The following IFT88 variants were observed in gnomAD, a reference collection of about 807,000 sequenced individuals.
IFT88 encodes intraflagellar transport protein 88 homolog.
In IFT88, 74 loss-of-function variants were observed where a neutral mutation model predicts 119.5. The observed-to-expected ratio is 0.62, with a 90% CI of 0.51 to 0.75. The LOEUF (loss-of-function observed/expected upper bound fraction) is 0.75. Ranked by LOEUF, IFT88 falls within the 30% of genes least tolerant of loss-of-function variation. The pLI is 0.00. For synonymous variants in IFT88, 279 were observed against 316.7 expected, an observed-to-expected ratio of 0.88 and a Z score of 1.26; for missense variants, 961 against 977.7, an observed-to-expected ratio of 0.98 and a Z score of 0.23.
chr13:20,663,280 A>G, intron 22 of IFT88: 1 of 1,477,186 alleles, frequency 6.8e-7, no homozygotes, highest in Non-Finnish European at 9.0e-7. Context: ...CAGCGTGAGG[A>G]CAGGACACAT....
At chr13:20,685,540 C>T (rs1038887150) in intron 24 of IFT88, among the ~76,000 whole-genome samples, 3 of 152,172 alleles carry the variant, frequency 2.0e-5, no homozygotes, top group Admixed American at 1.3e-4. Context: ...GCACACCCTG[C>T]TGGGAATGTT....
chr13:20,623,102 T>C (rs2046786412), intron 14 of IFT88, among the ~76,000 whole-genome samples: 2 of 152,232 alleles, frequency 1.3e-5, no homozygotes, highest in African/African-American at 2.4e-5. Context: ...TTGGCATCCT[T>C]GTCAAAAAGC....
chr13:20,597,125 TA>T lies in IFT88; in HGVS notation c.594+7del. 2.7e-6 allele frequency: 4 copies of T among 1,475,068 alleles called. No homozygotes were observed. Among genetic ancestry groups the T allele is most frequent in the Non-Finnish European group, 3.7e-6 (4 of 1,070,742 alleles). 91.4% of individuals were successfully genotyped at this position (1,475,068 alleles called of 1,614,324 possible). On this transcript the variant is annotated splice_region_variant and intron_variant, in intron 9 of 25. Transcript: ENST00000351808. ...ATTTGGATTTAACTTACTCAGTAAG[TA>T]TTGAAATATAACACAATTTTTAAAT... is the stretch of plus-strand genomic sequence containing the variant.
chr13:20,603,826 A>C (rs1267847985), intron 12 of IFT88, among the ~76,000 whole-genome samples: 4 of 152,094 alleles, frequency 2.6e-5, no homozygotes. Context: ...GAGCCCGAGG[A>C]GGTCAAGGCT....
chr13:20,685,198 A>G (rs7333812), intron 24 of IFT88, among the ~76,000 whole-genome samples: 34,130 of 152,168 alleles, frequency 0.22, 4,573 homozygotes, highest in African/African-American at 0.36. Flanking sequence ...CGTTGTTAAG[A>G]CACAGGCTGC....
At chr13:20,660,678 C>G (rs2053638586) in intron 22 of IFT88, among the ~76,000 whole-genome samples, 1 of 152,092 alleles carries the variant, frequency 6.6e-6, no homozygotes, top group South Asian at 2.1e-4. Context: ...AGATGTGAGA[C>G]TTGAGGGAGA....
chr13:20,625,944 T>C (rs986780562), intron 15 of IFT88, 95 bp downstream of exon 15: 12 of 465,420 alleles, frequency 2.6e-5, no homozygotes, highest in African/African-American at 2.0e-4. Context: ...ATGTTATCTG[T>C]GATTATTCTG....
intron 24 of IFT88, among the ~76,000 whole-genome samples, chr13:20,684,222 G>C (rs2057634323): frequency 1.3e-5 from 2 of 152,204 alleles, no homozygotes; most frequent in South Asian, 4.1e-4. Context: ...CTGCCTAAAT[G>C]GAACTGAGAG....
chr13:20,577,454 G>A (rs1436589324), intron 2 of IFT88, among the ~76,000 whole-genome samples: 1 of 152,098 alleles, frequency 6.6e-6, no homozygotes, highest in Admixed American at 6.5e-5. Flanking sequence ...TAAAGGAAAG[G>A]CTTTCAGTTT....
At chr13:20,646,934 T>G (rs2050851014) in intron 20 of IFT88, among the ~76,000 whole-genome samples, 2 of 152,110 alleles carry the variant, frequency 1.3e-5, no homozygotes, top group Non-Finnish European at 2.9e-5. Context: ...CAGCCATTGA[T>G]TCCATTCCTT....
intron 12 of IFT88, among the ~76,000 whole-genome samples, chr13:20,602,999 A>G (rs1286551119): frequency 6.6e-6 from 1 of 152,226 alleles, no homozygotes; most frequent in Non-Finnish European, 1.5e-5. Flanking sequence ...TTAAGTGAAA[A>G]CATACAGCTA....
rs2042255045 is a variant in IFT88, at chr13:20,599,435, A to C, written c.698-16A>C. 1 of 936,746 alleles carries C rather than the reference A, an allele frequency of 1.1e-6. No homozygotes were observed. The highest frequency in any genetic ancestry group is 2.6e-5 in the East Asian group (1 of 38,138). The allele number at this position is 936,746 out of a possible 1,614,324, so 58.0% of individuals were successfully genotyped here. Reference sequence around the variant, plus strand: ...AAATGAGAGTATTATACATTCATTAAATTTTTTTAAATTAGGAATATTGAA... The same window carrying C: ...AAATGAGAGTATTATACATTCATTACATTTTTTTAAATTAGGAATATTGAA... On this transcript the variant is annotated splice_polypyrimidine_tract_variant and intron_variant, in intron 10 of 25. Transcript: ENST00000351808.
At chr13:20,623,971 G>A (rs1594336277) in intron 14 of IFT88, among the ~76,000 whole-genome samples, 1 of 152,178 alleles carries the variant, frequency 6.6e-6, no homozygotes, top group Non-Finnish European at 1.5e-5. Flanking sequence ...TGAATTTTGT[G>A]TGTGGATTTT....
chr13:20,588,839 C>A (rs1429752293), intron 3 of IFT88, among the ~76,000 whole-genome samples: 1 of 152,102 alleles, frequency 6.6e-6, no homozygotes, highest in East Asian at 1.9e-4. Context: ...GGATGTCAGC[C>A]CTTATGAGGG....
intron 3 of IFT88, among the ~76,000 whole-genome samples, chr13:20,587,091 C>T (rs2039809046): frequency 6.6e-6 from 1 of 152,124 alleles, no homozygotes; most frequent in South Asian, 2.1e-4. Flanking sequence ...GGAACATAAT[C>T]TGTATGCTTT....
Position 20,607,471 on chromosome 13 carries a change from C to T in IFT88, c.1112+2366C>T, listed in dbSNP as rs563733002. 416 of 674,734 alleles carry T rather than the reference C, an allele frequency of 6.2e-4. 5 individuals are homozygous for T. Among genetic ancestry groups the T allele is most frequent in the South Asian group, 5.0e-3 (322 of 64,614 alleles). The allele number at this position is 674,734 out of a possible 1,614,324, so 41.8% of individuals were successfully genotyped here. On this transcript the variant is annotated intron_variant, in intron 13 of 25. Transcript: ENST00000351808. Reference sequence around the variant, plus strand: ...TGTCACTCATCCCCATCATCAGCGGCGTCCTGATGGCCACGGTCACCAAGT... The same window carrying T: ...TGTCACTCATCCCCATCATCAGCGGTGTCCTGATGGCCACGGTCACCAAGT...
intron 16 of IFT88, among the ~76,000 whole-genome samples, chr13:20,634,987 C>T (rs549813913): frequency 1.1e-4 from 14 of 123,940 alleles, no homozygotes; most frequent in East Asian, 8.7e-4. Context: ...GTGTGATGTT[C>T]GCCTTCCTGT....
At chr13:20,670,925 T>C in intron 23 of IFT88, 48 bp from the exon 24 acceptor site, 5 of 1,531,554 alleles carry the variant, frequency 3.3e-6, no homozygotes, top group Non-Finnish European at 4.5e-6. Context: ...TATTCAACTT[T>C]GAAGGAATAG....
At chr13:20,660,307 G>A (rs758933567) in intron 22 of IFT88, among the ~76,000 whole-genome samples, 1 of 152,196 alleles carries the variant, frequency 6.6e-6, no homozygotes, top group Non-Finnish European at 1.5e-5. Context: ...TGGACGATGT[G>A]ATGGGGAGAG....
Sources: allele counts gnomAD v4.1 joint callset (sites outside exome capture counted in the v4.1 genomes callset), GRCh38; gene constraint gnomAD v4.1.1; transcripts MANE v1.5; gene names NCBI Gene and HGNC (gene_info 2026-07-23, HGNC 2026-07-21).